Variants in LCMT1 observed in about 807,000 individuals in gnomAD.
LCMT1 encodes leucine carboxyl methyltransferase 1.
In LCMT1, 32 loss-of-function variants were observed where a neutral mutation model predicts 47.7. The observed-to-expected ratio is 0.67, with a 90% CI of 0.51 to 0.90. The LOEUF (loss-of-function observed/expected upper bound fraction) is 0.90, where lower values mean the gene tolerates loss of function less well. Ranked by LOEUF, LCMT1 falls within the 40% of genes least tolerant of loss-of-function variation. The pLI is 0.00. For missense variants in LCMT1, 375 were observed against 415.2 expected, an observed-to-expected ratio of 0.90 and a Z score of 0.84; for synonymous variants, 152 against 149.7, an observed-to-expected ratio of 1.02 and a Z score of -0.11.
intron 4 of LCMT1, 119 bp downstream of exon 4, chr16:25,140,366 C>T (rs1031103366): frequency 1.3e-6 from 1 of 745,540 alleles, no homozygotes. Context: ...GTTCACTGCC[C>T]CCCACCAACT....
intron 3 of LCMT1, among the ~76,000 whole-genome samples, chr16:25,137,957 T>A (rs1960551975): frequency 6.6e-6 from 1 of 152,100 alleles, no homozygotes; most frequent in African/African-American, 2.4e-5. Flanking sequence ...CCGGGATTCA[T>A]CTGTCCCTCT....
chr16:25,153,306 T>C (rs1374062609), intron 5 of LCMT1, among the ~76,000 whole-genome samples: 1 of 152,192 alleles, frequency 6.6e-6, no homozygotes, highest in East Asian at 1.9e-4. Flanking sequence ...GGGTACTTTA[T>C]AAAAAGAACA....
chr16:25,170,275 C>A (rs1961716724), intron 8 of LCMT1, among the ~76,000 whole-genome samples: 1 of 151,898 alleles, frequency 6.6e-6, no homozygotes, highest in Non-Finnish European at 1.5e-5. Flanking sequence ...TGTCACATAA[C>A]AATTAGAGTG....
intron 2 of LCMT1, 53 bp from the exon 3 acceptor site, chr16:25,132,349 A>G: frequency 6.2e-7 from 1 of 1,605,694 alleles, no homozygotes; most frequent in Non-Finnish European, 8.5e-7. Context: ...CACAGGGATA[A>G]TTTCTGTCAT....
intron 1 of LCMT1, among the ~76,000 whole-genome samples, chr16:25,113,879 G>T (rs143391008): frequency 1.3e-5 from 2 of 152,284 alleles, no homozygotes; most frequent in East Asian, 1.9e-4. Flanking sequence ...CAAGTGATCC[G>T]CTCGCCTTGG....
chr16:25,169,493 A>G (rs755714520), intron 8 of LCMT1: 12 of 285,870 alleles, frequency 4.2e-5, no homozygotes, highest in Non-Finnish European at 6.7e-5. Flanking sequence ...CACACGTCTC[A>G]TCACCTAACT....
chr16:25,128,843 A>G (rs1431877257), intron 2 of LCMT1, among the ~76,000 whole-genome samples: 2 of 144,622 alleles, frequency 1.4e-5, no homozygotes, highest in African/African-American at 5.1e-5. Flanking sequence ...TCACTCATAA[A>G]TGGGAGTTGA....
rs548680256 is a variant in LCMT1 at position 25,157,153 on chromosome 16, T to G, written c.467-3949T>G. On this transcript the variant is annotated intron_variant, in intron 5 of 10. Transcript: ENST00000399069. ...TAGTCATATGATACACCAGCACTTGTGTGTGTGTGTGTGTGTGTATGTGTT... is the reference window on the plus strand; with the variant it reads ...TAGTCATATGATACACCAGCACTTGGGTGTGTGTGTGTGTGTGTATGTGTT... Among the ~76,000 whole-genome samples the G allele has an allele frequency of 8.6e-5, 13 of 150,510 alleles. No individual in the cohort carries two copies. In the South Asian group the frequency reaches 2.3e-3, roughly 27 times the overall value.
intron 3 of LCMT1, among the ~76,000 whole-genome samples, chr16:25,136,715 A>G (rs1028367727): frequency 7.3e-5 from 11 of 151,562 alleles, no homozygotes; most frequent in African/African-American, 2.2e-4. Flanking sequence ...GTGCCTGGCT[A>G]TTTTGTAGAG....
chr16:25,170,126 A>G (rs1386798727), intron 8 of LCMT1, among the ~76,000 whole-genome samples: 3 of 152,180 alleles, frequency 2.0e-5, no homozygotes, highest in Non-Finnish European at 4.4e-5. Context: ...AGACTGAGGC[A>G]GGAGATTTGC....
intron 9 of LCMT1, among the ~76,000 whole-genome samples, chr16:25,171,901 T>A (rs1361998339): frequency 6.6e-6 from 1 of 152,204 alleles, no homozygotes; most frequent in East Asian, 1.9e-4. Context: ...ATTTTTTGAA[T>A]CTGTGGATTC....
intron 4 of LCMT1, among the ~76,000 whole-genome samples, chr16:25,150,423 CA>C (rs1026011110): frequency 3.4e-5 from 5 of 148,436 alleles, no homozygotes; most frequent in Admixed American, 2.7e-4. Context: ...CAGCTCACCG[CA>C]ACCTCCGCCT....
intron 3 of LCMT1, among the ~76,000 whole-genome samples, chr16:25,135,646 T>G (rs75418725): frequency 2.0e-4 from 30 of 152,300 alleles, no homozygotes; most frequent in Non-Finnish European, 3.2e-4. Flanking sequence ...CCGGAATGGT[T>G]CCTAGGTTGC....
At chr16:25,135,284 A>AATATATATATAT (rs779986194) in intron 3 of LCMT1, among the ~76,000 whole-genome samples, 4 of 140,610 alleles carry the variant, frequency 2.8e-5, no homozygotes, top group East Asian at 2.1e-4. Context: ...TTTCTTTTAA[A>AATATATATATAT]ATATATATCT....
intron 3 of LCMT1, 86 bp from the exon 4 acceptor site, chr16:25,140,085 T>C: frequency 2.1e-6 from 2 of 956,224 alleles, no homozygotes; most frequent in Middle Eastern, 2.2e-4. Flanking sequence ...ACACTATTGC[T>C]CTTAGGTGCC....
At chr16:25,164,043 C>G (rs1961514992) in intron 6 of LCMT1, among the ~76,000 whole-genome samples, 1 of 152,146 alleles carries the variant, frequency 6.6e-6, no homozygotes, top group Admixed American at 6.5e-5. Context: ...GGCTGGCTGT[C>G]AGTTGGGATG....
chr16:25,140,792 C>A (rs1960662920), intron 4 of LCMT1: 1 of 153,834 alleles, frequency 6.5e-6, no homozygotes, highest in South Asian at 2.0e-4. Flanking sequence ...TTCAGTGTTC[C>A]TTCCTGAGGT....
chr16:25,128,567 G>A lies in LCMT1; in HGVS notation c.205+1G>A. On this transcript the variant is annotated splice_donor_variant, in intron 2 of 10. Coordinates refer to ENST00000399069, the MANE Select transcript of LCMT1 (RefSeq NM_016309.3). LOFTEE classifies it high-confidence loss of function. The stretch of plus-strand genomic sequence containing the variant: ...AGGAAAGCCCCTGAAATCAACAGAG[G>A]CAAGTGACCATCTCCCTCCCCAACA... 1 of 1,592,376 alleles carries A rather than the reference G, an allele frequency of 6.3e-7. No individual in the cohort carries two copies. The highest frequency in any genetic ancestry group is 8.6e-7 in the Non-Finnish European group (1 of 1,168,354).
chr16:25,125,874 G>A, intron 1 of LCMT1: 3 of 199,556 alleles, frequency 1.5e-5, no homozygotes, highest in Non-Finnish European at 2.4e-5. Flanking sequence ...AATAATAATA[G>A]TTTTGTTGCC....
Sources: gnomAD v4.1 joint callset for allele counts (sites outside exome capture counted in the v4.1 genomes callset) on GRCh38, gnomAD v4.1.1 for gene constraint, MANE v1.5 for transcripts, NCBI Gene and HGNC (gene_info 2026-07-23, HGNC 2026-07-21) for gene names.